The following SLC25A28 variants were observed in gnomAD, a reference collection of about 807,000 sequenced individuals.
The protein encoded by SLC25A28 is mitoferrin-2.
In SLC25A28, 10 loss-of-function variants were observed where a neutral mutation model predicts 31.9. The ratio of observed to expected loss-of-function variants is 0.31; its 90% confidence interval spans 0.19 to 0.53. SLC25A28 has a LOEUF of 0.53. SLC25A28 is among the 20% of genes least tolerant of loss of function. The pLI is 0.95. For missense variants in SLC25A28, 256 were observed against 490.3 expected, an observed-to-expected ratio of 0.52 and a Z score of 4.51; for synonymous variants, 208 against 203.6, an observed-to-expected ratio of 1.02 and a Z score of -0.19.
chr10:99,641,809 T>C, the SLC25A28 span, among the ~76,000 whole-genome samples: 3 of 152,240 alleles, frequency 2.0e-5, no homozygotes, highest in Non-Finnish European at 4.4e-5. Context: ...CCCAGCACCA[T>C]TTATTAAATA....
the SLC25A28 span, among the ~76,000 whole-genome samples, chr10:99,642,773 G>A: frequency 6.6e-6 from 1 of 152,288 alleles, no homozygotes; most frequent in South Asian, 2.1e-4. Context: ...TTTTTAGCAT[G>A]AAGGGCTGTT....
chr10:99,658,595 A>G, the SLC25A28 span, among the ~76,000 whole-genome samples: 1 of 152,130 alleles, frequency 6.6e-6, no homozygotes, highest in Admixed American at 6.5e-5. Flanking sequence ...GTAGGAGGTG[A>G]TTTGGCTAAG....
chr10:99,643,440 A>G, the SLC25A28 span, among the ~76,000 whole-genome samples: 63 of 152,080 alleles, frequency 4.1e-4, no homozygotes, highest in East Asian at 0.011. Flanking sequence ...CATCGCGTCT[A>G]TTTGATTCTT....
At chr10:99,648,207 C>T in the SLC25A28 span, among the ~76,000 whole-genome samples, 1 of 150,988 alleles carries the variant, frequency 6.6e-6, no homozygotes, top group Non-Finnish European at 1.5e-5. Flanking sequence ...ACCATGTTGA[C>T]CAGGCTGGTC....
At chr10:99,615,033 A>G (rs2034614109) in intron 1 of SLC25A28, among the ~76,000 whole-genome samples, 1 of 152,164 alleles carries the variant, frequency 6.6e-6, no homozygotes, top group Admixed American at 6.5e-5. Context: ...GCATCAATCT[A>G]ATCACTAGAT....
upstream of SLC25A28, among the ~76,000 whole-genome samples, chr10:99,625,200 C>G (rs2024503): frequency 0.85 from 124,256 of 145,438 alleles, 53,318 homozygotes; most frequent in Middle Eastern, 0.92. Flanking sequence ...AGAGTGAGCA[C>G]CAGCAAGATT....
chr10:99,620,960 G>T (rs1345110603), upstream of SLC25A28: 1 of 985,180 alleles, frequency 1.0e-6, no homozygotes, highest in Non-Finnish European at 1.2e-6. Flanking sequence ...GCTCCCGTGC[G>T]CTCCTCAAAT....
At chr10:99,650,812 C>G in the SLC25A28 span, among the ~76,000 whole-genome samples, 1 of 152,114 alleles carries the variant, frequency 6.6e-6, no homozygotes, top group African/African-American at 2.4e-5. Context: ...TCTCCCCTCT[C>G]CCTTTTTGGA....
At chr10:99,638,831 G>T in the SLC25A28 span, among the ~76,000 whole-genome samples, 68 of 152,280 alleles carry the variant, frequency 4.5e-4, no homozygotes, top group Middle Eastern at 0.024. Context: ...CTTCTACACT[G>T]CTTGATGGGA....
chr10:99,637,289 C>T, the SLC25A28 span, among the ~76,000 whole-genome samples: 3 of 152,238 alleles, frequency 2.0e-5, no homozygotes, highest in South Asian at 6.2e-4. Flanking sequence ...GGACATACCT[C>T]AATGTAATAA....
At chr10:99,623,717 C>T (rs79524390), upstream of SLC25A28, among the ~76,000 whole-genome samples, 1 of 152,282 alleles carries the variant, frequency 6.6e-6, no homozygotes, top group African/African-American at 2.4e-5. Context: ...GAGGGAAGCA[C>T]AAGAGTCACA....
the SLC25A28 span, among the ~76,000 whole-genome samples, chr10:99,631,774 T>C: frequency 1.3e-5 from 2 of 151,254 alleles, no homozygotes; most frequent in African/African-American, 4.9e-5. Context: ...ATAGGCCGCA[T>C]AGAATGCCCT....
chr10:99,619,392 T>C, intron 1 of SLC25A28: 12 of 985,422 alleles, frequency 1.2e-5, no homozygotes, highest in Non-Finnish European at 1.3e-5. Flanking sequence ...CCCAGCTCAA[T>C]TTTCATGTTC....
At chr10:99,618,022 C>T (rs1370785735) in intron 1 of SLC25A28, among the ~76,000 whole-genome samples, 1 of 152,188 alleles carries the variant, frequency 6.6e-6, no homozygotes, top group Non-Finnish European at 1.5e-5. Flanking sequence ...GCTTTCCAGT[C>T]CCACCTTATT....
chr10:99,637,136 A>G, the SLC25A28 span, among the ~76,000 whole-genome samples: 22 of 152,246 alleles, frequency 1.4e-4, no homozygotes, highest in Admixed American at 1.4e-3. Context: ...ATGGTTTAAC[A>G]TACACAAGTC....
chr10:99,619,952 CGGCTCCGGCTCTCAGCCGGGATCCT>C (rs1220850799), intron 1 of SLC25A28, 68 bp downstream of exon 1: 3 of 1,314,532 alleles, frequency 2.3e-6, no homozygotes, highest in South Asian at 3.1e-5. Flanking sequence ...GAACCCATGT[CGGCTCCGGCTCTCAGCCGGGATCCT>C]GGCTCCGGAC....
At chr10:99,639,713 C>G in the SLC25A28 span, among the ~76,000 whole-genome samples, 1 of 101,420 alleles carries the variant, frequency 9.9e-6, no homozygotes, top group African/African-American at 3.8e-5. Context: ...ACTGGGCCAG[C>G]ACCATGGGTA....
chr10:99,624,903 C>T (rs2034855331), upstream of SLC25A28, among the ~76,000 whole-genome samples: 1 of 152,106 alleles, frequency 6.6e-6, no homozygotes, highest in South Asian at 2.1e-4. Context: ...GTTTCCTGCA[C>T]CTGCAACTCC....
chr10:99,628,224 A>G, the SLC25A28 span, among the ~76,000 whole-genome samples: 4 of 152,232 alleles, frequency 2.6e-5, no homozygotes, highest in Non-Finnish European at 5.9e-5. Flanking sequence ...ATAAAGGGCA[A>G]TGATCCCTCT....
Sources: allele counts gnomAD v4.1 joint callset (sites outside exome capture counted in the v4.1 genomes callset), GRCh38; gene constraint gnomAD v4.1.1; transcripts MANE v1.5; gene names NCBI Gene and HGNC (gene_info 2026-07-23, HGNC 2026-07-21).